DNMT3A: variants seen among roughly 807,000 people sequenced by gnomAD.
The protein encoded by DNMT3A is DNA (cytosine-5)-methyltransferase 3A.
DNMT3A carries 267 observed loss-of-function variants against 117.6 expected under a neutral mutation model. That is an observed-to-expected ratio of 2.27 (90% CI 2.05 to 2.51). DNMT3A has a LOEUF of 2.51. Ranked by LOEUF, DNMT3A falls within the 30% of genes most tolerant of loss-of-function variation. The pLI is 0.00. For synonymous variants in DNMT3A, 432 were observed against 474.8 expected (o/e 0.91, Z 1.17); for missense variants, 1,029 against 1,260.2 (o/e 0.82, Z 2.78).
At chr2:25,325,585 G>A (rs772910919) in intron 1 of DNMT3A, among the ~76,000 whole-genome samples, 1 of 152,118 alleles carries the variant, frequency 6.6e-6, no homozygotes. Flanking sequence ...TGCTGACCTC[G>A]TCCTCGGGGG....
At chr2:25,255,904 G>A (rs1025111630) in intron 6 of DNMT3A, among the ~76,000 whole-genome samples, 3 of 152,222 alleles carry the variant, frequency 2.0e-5, no homozygotes, top group South Asian at 2.1e-4. Flanking sequence ...AGCAACGCCC[G>A]GAGCTCATGC....
intron 1 of DNMT3A, among the ~76,000 whole-genome samples, chr2:25,324,169 T>A (rs2034703056): frequency 6.6e-6 from 1 of 152,216 alleles, no homozygotes; most frequent in Non-Finnish European, 1.5e-5. Flanking sequence ...CCCAATGCAG[T>A]GGTCATTCAC....
In DNMT3A at chr2:25,246,177, A is replaced by ATT; in HGVS notation, c.1411_1412insAA (p.Ile471LysfsTer181). The ATT allele has an allele frequency of 6.2e-7, 1 of 1,614,068 alleles. No homozygotes were observed. ...CCAACTACCTCTTGTGCGCTCATCA[A>ATT]TAATCTCCTTGACCTTGGGCTTCTC... On this transcript the variant is annotated frameshift_variant, in exon 11 of 23. Coordinates refer to ENST00000321117, the MANE Select transcript of DNMT3A (RefSeq NM_022552.5). LOFTEE classifies it high-confidence loss of function.
chr2:25,320,764 A>G (rs1379474895), intron 1 of DNMT3A, among the ~76,000 whole-genome samples: 1 of 152,224 alleles, frequency 6.6e-6, no homozygotes, highest in Non-Finnish European at 1.5e-5. Context: ...ATGTGTGTGT[A>G]CATATATATG....
In DNMT3A at chr2:25,237,143, G is replaced by T. The variant is rs534297862; in HGVS notation, c.2409-138C>A. The stretch of plus-strand genomic sequence containing the variant: ...CCCCTTCCCCAAATCACGCACACAC[G>T]TCATAACTCTCTTCAAACTCCCCGC... On this transcript the variant is annotated intron_variant, in intron 20 of 22. Transcript: ENST00000321117. This position sits in a 1 kb window ranked among gnomAD's most constrained non-coding sequence, Gnocchi z 5.4. The T allele has an allele frequency of 7.5e-5, 55 of 734,378 alleles. No individual in the cohort carries two copies. In the South Asian group the frequency reaches 1.0e-3, roughly 13 times the overall value. 45.5% of individuals were successfully genotyped at this position (734,378 alleles called of 1,614,324 possible). A position where few individuals can be genotyped will look rare whatever the true frequency, so the allele number is the denominator to read the frequency against.
At chr2:25,324,456 C>T (rs1411585138) in intron 1 of DNMT3A, among the ~76,000 whole-genome samples, 9 of 152,230 alleles carry the variant, frequency 5.9e-5, no homozygotes, top group Non-Finnish European at 1.3e-4. Context: ...GCTAAACACA[C>T]ATCTCAGAGC....
At position 25,228,202 on chromosome 2, in the gene DNMT3A, A is replaced by AAAAAAAAAAAAAAAAAAC. The variant is rs1672747542; in HGVS notation, c.*6076_*6077insGTTTTTTTTTTTTTTTTT. 1 of 73,610 alleles carries AAAAAAAAAAAAAAAAAAC rather than the reference A, an allele frequency of 1.4e-5. No homozygotes were observed. Among genetic ancestry groups the AAAAAAAAAAAAAAAAAAC allele is most frequent in the Non-Finnish European group, 2.7e-5 (1 of 36,486 alleles). The allele number at this position is 73,610 out of a possible 1,614,324, so 4.6% of individuals were successfully genotyped here. On this transcript the variant is annotated 3_prime_UTR_variant, in exon 23 of 23. Transcript: ENST00000321117. ...GTCAATAAATAGAGAAGCAACCCTAAAAAAAAAAAAAAAAAAAAAAAAAAA... is the reference window on the plus strand; with the variant it reads ...GTCAATAAATAGAGAAGCAACCCTAAAAAAAAAAAAAAAAAAACAAAAAAAAAAAAAAAAAAAAAAAAA...
In DNMT3A at chr2:25,305,284, G is replaced by A. The variant is rs1332489510; in HGVS notation, c.73-5041C>T. The stretch of plus-strand genomic sequence containing the variant: ...TATGTCATTCTTTGCAGCTTTCAAA[G>A]CACCTTCACATTTGGTGGCCTGTGA... On this transcript the variant is annotated intron_variant, in intron 2 of 22. Coordinates refer to ENST00000321117, the MANE Select transcript of DNMT3A (RefSeq NM_022552.5). This position sits in a 1 kb window ranked among gnomAD's most constrained non-coding sequence, Gnocchi z 4.1. Among the ~76,000 whole-genome samples the A allele has an allele frequency of 6.6e-6, 1 of 152,198 alleles. No homozygotes were observed. The highest frequency in any genetic ancestry group is 1.5e-5 in the Non-Finnish European group (1 of 68,046).
chr2:25,249,383 C>T (rs1348210217), intron 6 of DNMT3A, among the ~76,000 whole-genome samples: 2 of 152,206 alleles, frequency 1.3e-5, no homozygotes, highest in Non-Finnish European at 2.9e-5. Flanking sequence ...CATCTCCCCC[C>T]AGCACATGCT....
intron 2 of DNMT3A, among the ~76,000 whole-genome samples, chr2:25,312,064 C>T (rs2034150059): frequency 6.6e-6 from 1 of 152,180 alleles, no homozygotes; most frequent in Non-Finnish European, 1.5e-5. Context: ...TGACCAGTGA[C>T]TGCCAGTGCA....
Position 25,245,316 on chromosome 2 carries a change from AC to A in DNMT3A, c.1490del (p.Cys497LeufsTer154). On this transcript the variant is annotated frameshift_variant, in exon 13 of 23. Transcript: ENST00000321117. LOFTEE classifies it high-confidence loss of function. ...CRNIEDICIS[C>X]GSLNVTLEHP... ...GTTCCAGGGTAACATTGAGGCTCCC[AC>A]AGGAGATGCAGATGTCTGGAAAGCA... 1 of 1,613,904 alleles carries A rather than the reference AC, an allele frequency of 6.2e-7. No individual in the cohort carries two copies. Among genetic ancestry groups the A allele is most frequent in the Non-Finnish European group, 8.5e-7 (1 of 1,179,964 alleles).
chr2:25,285,209 C>G (rs1374684298), intron 3 of DNMT3A, among the ~76,000 whole-genome samples: 1 of 152,196 alleles, frequency 6.6e-6, no homozygotes, highest in African/African-American at 2.4e-5. Context: ...CAGCCTGAGA[C>G]AGCACTGGGT....
Position 25,287,734 on chromosome 2 carries a change from CG to C in DNMT3A, c.178-5024del, listed in dbSNP as rs771757461. Among the ~76,000 whole-genome samples, 338 of 151,222 alleles carry C rather than the reference CG, an allele frequency of 2.2e-3. 6 individuals are homozygous for C. The highest frequency in any genetic ancestry group is 0.015 in the East Asian group (75 of 5,126). ...CACCCCACCAGACAGAGGACACCCC[CG>C]CCCCCAACAGAGATTTAGTCCAGAC... On this transcript the variant is annotated intron_variant, in intron 3 of 22. Coordinates refer to ENST00000321117, the MANE Select transcript of DNMT3A (RefSeq NM_022552.5).
chr2:25,246,118 C>G, intron 11 of DNMT3A, 42 bp downstream of exon 11: 1 of 1,614,154 alleles, frequency 6.2e-7, no homozygotes, highest in East Asian at 2.2e-5. Context: ...TCCTCGGATG[C>G]AGGCCTCCTG....
chr2:25,300,588 C>A (rs2033375541), intron 2 of DNMT3A, among the ~76,000 whole-genome samples: 1 of 133,822 alleles, frequency 7.5e-6, no homozygotes. Context: ...TAAAAATACC[C>A]ACACCCATAT....
upstream of DNMT3A, chr2:25,342,032 C>T: frequency 2.7e-6 from 2 of 749,822 alleles, no homozygotes; most frequent in Non-Finnish European, 3.2e-6. The surrounding 1 kb of genome is among the most constrained non-coding windows in gnomAD (Gnocchi z 5.9). Context: ...CCCCCCCTCC[C>T]ACCCCTTCTC....
chr2:25,300,721 A>G (rs1484738840), intron 2 of DNMT3A, among the ~76,000 whole-genome samples: 1 of 10,670 alleles, frequency 9.4e-5, no homozygotes, highest in Non-Finnish European at 1.7e-4. Context: ...TAATATATAT[A>G]TATATATATA....
At position 25,337,567 on chromosome 2, in the gene DNMT3A, G is replaced by C. The variant is rs966283170; in HGVS notation, c.-178+4259C>G. ...CAGAGTGCAGCTCCCTGTGACTCGA[G>C]GGCCTCAAGCTGCCTTGACACTGGC... On this transcript the variant is annotated intron_variant, in intron 1 of 22. Coordinates refer to ENST00000321117, the MANE Select transcript of DNMT3A (RefSeq NM_022552.5). The surrounding 1 kb of genome is among the most constrained non-coding windows in gnomAD (Gnocchi z 5.0). Among the ~76,000 whole-genome samples, 1 of 152,164 alleles carries C rather than the reference G, an allele frequency of 6.6e-6. No individual in the cohort carries two copies. Among genetic ancestry groups the C allele is most frequent in the South Asian group, 2.1e-4 (1 of 4,824 alleles).
chr2:25,316,911 C>T (rs2034403606), intron 1 of DNMT3A, among the ~76,000 whole-genome samples: 5 of 152,222 alleles, frequency 3.3e-5, no homozygotes, highest in Non-Finnish European at 7.3e-5. Flanking sequence ...TTCAAGGAAT[C>T]CCACCATGAA....
Sources: allele counts gnomAD v4.1 joint callset (sites outside exome capture counted in the v4.1 genomes callset), GRCh38; gene constraint gnomAD v4.1.1; non-coding constraint Gnocchi (gnomAD v3.1); transcripts MANE v1.5; gene names NCBI Gene and HGNC (gene_info 2026-07-23, HGNC 2026-07-21).